Variants in TAFA1 observed in about 807,000 individuals in gnomAD.
The protein encoded by TAFA1 is TAFA chemokine like family member 1.
In TAFA1, 4 loss-of-function variants were observed where a neutral mutation model predicts 18.5. The observed-to-expected ratio is 0.22, with a 90% CI of 0.11 to 0.49. The LOEUF (loss-of-function observed/expected upper bound fraction) is 0.49, where lower values mean the gene tolerates loss of function less well. Ranked by LOEUF, TAFA1 falls within the 20% of genes least tolerant of loss-of-function variation. The probability of loss-of-function intolerance (pLI) is 0.98; values close to 1 mark genes in which losing one functional copy is unlikely to be tolerated. For missense variants in TAFA1, 147 were observed against 169.0 expected (o/e 0.87, Z 0.72); for synonymous variants, 56 against 55.2 (o/e 1.01, Z -0.06).
chr3:68,176,778 G>T (rs1367473022), intron 2 of TAFA1, among the ~76,000 whole-genome samples: 2 of 152,186 alleles, frequency 1.3e-5, no homozygotes, highest in Admixed American at 6.5e-5. Context: ...GGTGTCACCA[G>T]CATAGCTATA....
At chr3:68,119,169 A>T (rs754639191) in intron 2 of TAFA1, among the ~76,000 whole-genome samples, 3 of 151,864 alleles carry the variant, frequency 2.0e-5, no homozygotes, top group Non-Finnish European at 4.4e-5. Context: ...GGCCATTTGT[A>T]TATCTTCTTT....
intron 2 of TAFA1, among the ~76,000 whole-genome samples, chr3:68,225,351 G>A (rs936383030): frequency 2.0e-5 from 3 of 152,058 alleles, no homozygotes; most frequent in African/African-American, 7.2e-5. Context: ...CCATTTATTC[G>A]TAGCAACTTT....
chr3:68,361,968 A>G (rs937929889), intron 2 of TAFA1, among the ~76,000 whole-genome samples: 1 of 152,128 alleles, frequency 6.6e-6, no homozygotes, highest in Non-Finnish European at 1.5e-5. Context: ...TCTATTAACC[A>G]TTCCAACCAG....
At chr3:68,015,251 A>T (rs1376210979) in intron 2 of TAFA1, among the ~76,000 whole-genome samples, 1 of 151,434 alleles carries the variant, frequency 6.6e-6, no homozygotes, top group Non-Finnish European at 1.5e-5. Context: ...TTTGAATCTC[A>T]GCTAAAAATC....
chr3:68,415,754 C>CTG (rs767597038), intron 2 of TAFA1, among the ~76,000 whole-genome samples: 10 of 152,170 alleles, frequency 6.6e-5, no homozygotes, highest in Non-Finnish European at 1.3e-4. Flanking sequence ...TCACACAACC[C>CTG]TGTGATACAG....
intron 2 of TAFA1, among the ~76,000 whole-genome samples, chr3:68,054,314 G>T (rs536300198): frequency 5.9e-5 from 9 of 152,066 alleles, no homozygotes; most frequent in African/African-American, 1.9e-4. Flanking sequence ...CACTCTATTA[G>T]TTCCCACCAT....
At chr3:68,216,606 G>C (rs1204842890) in intron 2 of TAFA1, among the ~76,000 whole-genome samples, 1 of 152,072 alleles carries the variant, frequency 6.6e-6, no homozygotes, top group African/African-American at 2.4e-5. Flanking sequence ...AGCACACTTA[G>C]TGCCCAGATC....
chr3:68,482,064 G>T (rs1017190733), intron 3 of TAFA1, among the ~76,000 whole-genome samples: 1 of 152,206 alleles, frequency 6.6e-6, no homozygotes, highest in African/African-American at 2.4e-5. Context: ...AGGCTGGAGT[G>T]CAGTGGCGCG....
At chr3:68,314,155 G>A (rs750970773) in intron 2 of TAFA1, among the ~76,000 whole-genome samples, 13 of 152,126 alleles carry the variant, frequency 8.5e-5, no homozygotes, top group Non-Finnish European at 1.5e-4. Context: ...TCCTATGGTA[G>A]TCTATGAAAA....
intron 2 of TAFA1, among the ~76,000 whole-genome samples, chr3:68,327,443 T>C (rs376165465): frequency 2.6e-5 from 4 of 152,288 alleles, no homozygotes; most frequent in African/African-American, 9.6e-5. Flanking sequence ...ACTGAGGGGA[T>C]ACAACATGAG....
intron 2 of TAFA1, among the ~76,000 whole-genome samples, chr3:68,112,704 ATAAT>A (rs1358877527): frequency 6.6e-6 from 1 of 152,158 alleles, no homozygotes; most frequent in Non-Finnish European, 1.5e-5. Context: ...AGATGTTAAA[ATAAT>A]TAATAGGTGA....
intron 2 of TAFA1, among the ~76,000 whole-genome samples, chr3:68,134,698 G>A (rs146568101): frequency 2.3e-3 from 345 of 152,162 alleles, no homozygotes; most frequent in Non-Finnish European, 3.9e-3. Flanking sequence ...AATACCTATC[G>A]ACTCCATGCT....
chr3:68,531,549 C>G (rs1011364382), intron 3 of TAFA1, among the ~76,000 whole-genome samples: 1 of 152,062 alleles, frequency 6.6e-6, no homozygotes, highest in Non-Finnish European at 1.5e-5. Flanking sequence ...AAGTTGTGCT[C>G]ATGCTCATTT....
intron 3 of TAFA1, among the ~76,000 whole-genome samples, chr3:68,507,308 T>C (rs1274313892): frequency 2.0e-5 from 3 of 152,028 alleles, no homozygotes; most frequent in Admixed American, 6.6e-5. Context: ...TGGAGAACCA[T>C]GATGAGACAG....
In TAFA1 at chr3:68,434,556, G is replaced by A. The variant is rs565213695; in HGVS notation, c.259+17136G>A. Among the ~76,000 whole-genome samples the A allele has an allele frequency of 1.8e-3, 267 of 152,022 alleles. 1 individual carries two copies. The highest frequency in any genetic ancestry group is 3.2e-3 in the Non-Finnish European group (220 of 67,962). On this transcript the variant is annotated intron_variant, in intron 3 of 4. Transcript: ENST00000478136. ...TCTTCCATTTTGATACAAAAATAAA[G>A]AAGACCTCAAGCAGAAATTTGTTCT... is the stretch of plus-strand genomic sequence containing the variant.
intron 2 of TAFA1, among the ~76,000 whole-genome samples, chr3:68,156,457 A>C (rs2065867802): frequency 6.6e-6 from 1 of 152,086 alleles, no homozygotes; most frequent in Non-Finnish European, 1.5e-5. Flanking sequence ...ATTAAGTGAG[A>C]TTTTAGGCAA....
In TAFA1 at chr3:68,076,513, C is replaced by A. The variant is rs75223296; in HGVS notation, c.118+69769C>A. Among the ~76,000 whole-genome samples the A allele has an allele frequency of 6.8e-4, 87 of 128,164 alleles. 1 individual carries two copies. Among genetic ancestry groups the A allele is most frequent in the African/African-American group, 2.4e-3 (82 of 34,212 alleles). 84.1% of individuals were successfully genotyped at this position (128,164 alleles called of 152,430 possible). A position where few individuals can be genotyped will look rare whatever the true frequency, so the allele number is the denominator to read the frequency against. On this transcript the variant is annotated intron_variant, in intron 2 of 4. Coordinates refer to ENST00000478136, the MANE Select transcript of TAFA1 (RefSeq NM_213609.4). ...TGATATTCCCCTTCCTGTGTCCATG[C>A]GATCTCATCGTTCAATTCCCACCTA...
At chr3:68,016,421 TTG>T (rs1356468183) in intron 2 of TAFA1, among the ~76,000 whole-genome samples, 2 of 152,180 alleles carry the variant, frequency 1.3e-5, no homozygotes, top group African/African-American at 4.8e-5. Flanking sequence ...ATAGGTAAAC[TTG>T]TGTCATGGGG....
chr3:68,274,113 T>A (rs2067738353), intron 2 of TAFA1, among the ~76,000 whole-genome samples: 1 of 152,176 alleles, frequency 6.6e-6, no homozygotes, highest in South Asian at 2.1e-4. Flanking sequence ...GAAATGGCAT[T>A]ATCTTTTCTG....
Sources: allele counts gnomAD v4.1 joint callset (sites outside exome capture counted in the v4.1 genomes callset), GRCh38; gene constraint gnomAD v4.1.1; transcripts MANE v1.5; gene names NCBI Gene and HGNC (gene_info 2026-07-23, HGNC 2026-07-21).